The following ACTN2 variants were observed in gnomAD, a reference collection of about 807,000 sequenced individuals.
ACTN2 encodes the protein alpha-actinin-2.
ACTN2 carries 39 observed loss-of-function variants against 113.8 expected under a neutral mutation model. That is an observed-to-expected ratio of 0.34 (90% CI 0.27 to 0.45). ACTN2 has a LOEUF of 0.45. Among genes scored for constraint, ACTN2 ranks in the 20% least tolerant of loss-of-function variants. The pLI, the probability that ACTN2 is intolerant of heterozygous loss-of-function variation, is 1.00. For synonymous variants in ACTN2, 429 were observed against 444.1 expected (o/e 0.97, Z 0.43); for missense variants, 992 against 1,177.9 (o/e 0.84, Z 2.31).
At chr1:236,708,505 G>A (rs1657900805) in intron 1 of ACTN2, among the ~76,000 whole-genome samples, 1 of 152,170 alleles carries the variant, frequency 6.6e-6, no homozygotes, top group Admixed American at 6.5e-5. Context: ...GTGGCTTGTG[G>A]ATCTAGAGAA....
rs1281122157 is a variant in ACTN2 at position 236,763,225 on chromosome 1, TTA to T, written c.*608_*609del. The stretch of plus-strand genomic sequence containing the variant: ...TGGCACTTACAATTTTTAAAATAGT[TTA>T]TGTCATCTCTTCATTATTTAGGGCT... On this transcript the variant is annotated 3_prime_UTR_variant, in exon 21 of 21. Transcript: ENST00000366578. The T allele has an allele frequency of 1.2e-5, 2 of 160,420 alleles. No individual in the cohort carries two copies. Among genetic ancestry groups the T allele is most frequent in the African/African-American group, 4.8e-5 (2 of 41,494 alleles). The allele number at this position is 160,420 out of a possible 1,614,324, so 9.9% of individuals were successfully genotyped here. A position where few individuals can be genotyped will look rare whatever the true frequency, so the allele number is the denominator to read the frequency against.
intron 5 of ACTN2, among the ~76,000 whole-genome samples, chr1:236,726,647 G>A (rs1415047834): frequency 6.6e-6 from 1 of 152,118 alleles, no homozygotes; most frequent in East Asian, 1.9e-4. Context: ...ACCCATGAAT[G>A]CAAAAAGGCC....
chr1:236,703,433 C>CTTTTT (rs35432183), intron 1 of ACTN2, among the ~76,000 whole-genome samples: 3 of 98,836 alleles, frequency 3.0e-5, no homozygotes, highest in Non-Finnish European at 6.0e-5. Context: ...GGCCTACTAC[C>CTTTTT]TTTTTTTTTT....
chr1:236,736,328 T>C (rs1052420256), intron 8 of ACTN2, among the ~76,000 whole-genome samples: 1 of 152,216 alleles, frequency 6.6e-6, no homozygotes, highest in Admixed American at 6.5e-5. Flanking sequence ...GAGTATGCAT[T>C]ATTTCAGTGA....
chr1:236,699,315 A>G (rs578136403), intron 1 of ACTN2, among the ~76,000 whole-genome samples: 2 of 152,224 alleles, frequency 1.3e-5, no homozygotes, highest in Non-Finnish European at 2.9e-5. Flanking sequence ...AATGTCTGAT[A>G]ACAGTGAGAA....
rs1242994952 is a variant in ACTN2, at chr1:236,720,150, C to G, written c.407C>G (p.Thr136Ser). ...NVKMTLGMIW[T>S]IILRFAIQDI... is the part of the protein sequence containing the mutation. ...AAAATGACCCTGGGTATGATCTGGA[C>G]CATCATCCTTCGCTTTGCTATTCAG... The change falls in exon 4 of 21, where the codon ACC (threonine) becomes AGC (serine). Residue 136 changes from threonine to serine, a missense_variant. Thr to Ser is a moderately conservative substitution (Grantham distance 58, BLOSUM62 1). This residue lies in a region of ACTN2 where 220 missense variants were observed against 337.5 expected (regional missense o/e 0.65). Coordinates refer to ENST00000366578, the MANE Select transcript of ACTN2 (RefSeq NM_001103.4). 3 of 1,613,764 alleles carry G rather than the reference C, an allele frequency of 1.9e-6. No individual in the cohort carries two copies. Among genetic ancestry groups the G allele is most frequent in the Non-Finnish European group, 2.5e-6 (3 of 1,179,714 alleles).
At chr1:236,708,661 C>T (rs933727439) in intron 1 of ACTN2, among the ~76,000 whole-genome samples, 1 of 152,210 alleles carries the variant, frequency 6.6e-6, no homozygotes, top group African/African-American at 2.4e-5. Context: ...TGAGATGTTA[C>T]TGCTTCCAGC....
At chr1:236,758,870 C>T (rs1205985222) in intron 18 of ACTN2, among the ~76,000 whole-genome samples, 1 of 152,202 alleles carries the variant, frequency 6.6e-6, no homozygotes, top group Non-Finnish European at 1.5e-5. Context: ...ATCCATCTGC[C>T]TCAGCCTCCC....
At chr1:236,690,474 A>G (rs1275574251) in intron 1 of ACTN2, among the ~76,000 whole-genome samples, 1 of 152,232 alleles carries the variant, frequency 6.6e-6, no homozygotes, top group Non-Finnish European at 1.5e-5. Context: ...ACCCGACTAC[A>G]GTTGAATCAC....
intron 7 of ACTN2, among the ~76,000 whole-genome samples, chr1:236,731,788 C>T (rs1404264888): frequency 1.3e-5 from 2 of 152,126 alleles, no homozygotes; most frequent in African/African-American, 2.4e-5. Flanking sequence ...ATCAGTGTAC[C>T]ATCCAAACTT....
At chr1:236,695,049 AGAGT>A (rs1167386044) in intron 1 of ACTN2, among the ~76,000 whole-genome samples, 1 of 151,818 alleles carries the variant, frequency 6.6e-6, no homozygotes, top group Non-Finnish European at 1.5e-5. Flanking sequence ...TCTGGGTGAC[AGAGT>A]GAGAAATAAG....
intron 12 of ACTN2, among the ~76,000 whole-genome samples, chr1:236,745,410 G>A (rs1659202919): frequency 6.6e-6 from 1 of 152,172 alleles, no homozygotes; most frequent in Non-Finnish European, 1.5e-5. Flanking sequence ...CTCCAGCCTG[G>A]GCGACAGAGC....
chr1:236,714,993 A>G, intron 1 of ACTN2, among the ~76,000 whole-genome samples: 1 of 137,670 alleles, frequency 7.3e-6, no homozygotes, highest in Admixed American at 7.5e-5. Flanking sequence ...TGATAGCTTC[A>G]TTCCTCACTG....
intron 4 of ACTN2, 74 bp downstream of exon 4, chr1:236,720,265 T>C: frequency 8.3e-7 from 1 of 1,202,432 alleles, no homozygotes; most frequent in Non-Finnish European, 1.2e-6. Context: ...GAGCAAGATG[T>C]TTTAAAGTCC....
intron 6 of ACTN2, among the ~76,000 whole-genome samples, chr1:236,730,719 G>A (rs138403539): frequency 1.0e-3 from 153 of 152,154 alleles, no homozygotes; most frequent in African/African-American, 3.5e-3. Context: ...TTCAGGTTTT[G>A]TCATTTCTTC....
Position 236,736,505 on chromosome 1 carries a change from T to A in ACTN2, c.784-617T>A, listed in dbSNP as rs1350941772. The A allele has an allele frequency of 4.1e-6, 5 of 1,222,818 alleles. No homozygotes were observed. In the Admixed American group the frequency reaches 6.4e-5, roughly 16 times the overall value. The allele number at this position is 1,222,818 out of a possible 1,614,324, so 75.7% of individuals were successfully genotyped here. A position where few individuals can be genotyped will look rare whatever the true frequency, so the allele number is the denominator to read the frequency against. On this transcript the variant is annotated intron_variant, in intron 8 of 20. Coordinates refer to ENST00000366578, the MANE Select transcript of ACTN2 (RefSeq NM_001103.4). Reference sequence around the variant, plus strand: ...TTTGCCACTCCTGCCCCAAGTTCCTTTCCACGAAAGATGACAGAGAATTGT... The same window carrying A: ...TTTGCCACTCCTGCCCCAAGTTCCTATCCACGAAAGATGACAGAGAATTGT...
rs1042703358 is a variant in ACTN2, at chr1:236,744,520, C to G, written c.1256-106C>G. 3 of 1,383,632 alleles carry G rather than the reference C, an allele frequency of 2.2e-6. No homozygotes were observed. The East Asian group carries it at 7.3e-5, about 33-fold the overall frequency. The allele number at this position is 1,383,632 out of a possible 1,614,324, so 85.7% of individuals were successfully genotyped here. Reference sequence around the variant, plus strand: ...CTTCAGTCCTGCCCCTCTCTGTCCCCTTCTCTTGGTTCTTTGGAATCTCAC... The same window carrying G: ...CTTCAGTCCTGCCCCTCTCTGTCCCGTTCTCTTGGTTCTTTGGAATCTCAC... On this transcript the variant is annotated intron_variant, in intron 11 of 20. Transcript: ENST00000366578.
chr1:236,749,279 A>G lies in ACTN2; in HGVS notation c.1656+15A>G. 1 of 1,613,978 alleles carries G rather than the reference A, an allele frequency of 6.2e-7. No homozygotes were observed. Among genetic ancestry groups the G allele is most frequent in the South Asian group, 1.1e-5 (1 of 91,064 alleles). On this transcript the variant is annotated intron_variant, in intron 14 of 20. Transcript: ENST00000366578. ...AGGAGATCCAGGTAATGGAACCGCA[A>G]CTCTGTATGCCCTATGCATTAGAAG...
chr1:236,709,314 A>G (rs1275179431), intron 1 of ACTN2, among the ~76,000 whole-genome samples: 1 of 141,272 alleles, frequency 7.1e-6, no homozygotes, highest in African/African-American at 2.7e-5. Flanking sequence ...ATACGTATAT[A>G]TGTATATATA....
Sources: gnomAD v4.1 joint callset for allele counts (sites outside exome capture counted in the v4.1 genomes callset) on GRCh38, gnomAD v4.1.1 for gene constraint, gnomAD v4.1.1 regional missense constraint, MANE v1.5 for transcripts, NCBI Gene and HGNC (gene_info 2026-07-23, HGNC 2026-07-21) for gene names.